TSHZ2: variants seen among roughly 807,000 people sequenced by gnomAD.
TSHZ2 encodes teashirt homolog 2.
In TSHZ2, 21 loss-of-function variants were observed where a neutral mutation model predicts 74.4. That is an observed-to-expected ratio of 0.28 (90% confidence interval 0.20 to 0.41). TSHZ2 has a LOEUF of 0.41. Ranked by LOEUF, TSHZ2 falls within the 10% of genes least tolerant of loss-of-function variation. The pLI is 1.00. For synonymous variants in TSHZ2, 540 were observed against 515.3 expected, an observed-to-expected ratio of 1.05 and a Z score of -0.65; for missense variants, 1,244 against 1,293.5, an observed-to-expected ratio of 0.96 and a Z score of 0.59.
intron 1 of TSHZ2, among the ~76,000 whole-genome samples, chr20:53,059,226 G>C (rs1053726330): frequency 6.6e-6 from 1 of 152,158 alleles, no homozygotes; most frequent in East Asian, 1.9e-4. Context: ...AAATTAGTGA[G>C]ACTTTTAAGG....
At chr20:53,163,834 A>G (rs2123469907) in intron 1 of TSHZ2, among the ~76,000 whole-genome samples, 1 of 152,326 alleles carries the variant, frequency 6.6e-6, no homozygotes, top group Admixed American at 6.5e-5. Flanking sequence ...AAACCACAGA[A>G]ACTGTGAGAT....
chr20:53,259,910 G>A (rs1345982270), intron 2 of TSHZ2, among the ~76,000 whole-genome samples: 2 of 152,202 alleles, frequency 1.3e-5, no homozygotes, highest in African/African-American at 4.8e-5. Flanking sequence ...TTATATGGCA[G>A]TTGGGAAGAA....
At chr20:53,095,110 A>G (rs1178005908) in intron 1 of TSHZ2, among the ~76,000 whole-genome samples, 1 of 152,238 alleles carries the variant, frequency 6.6e-6, no homozygotes, top group Non-Finnish European at 1.5e-5. Flanking sequence ...TCAAAAGTCT[A>G]GGACAAGCTG....
chr20:53,129,829 G>C (rs1987053163), intron 1 of TSHZ2, among the ~76,000 whole-genome samples: 1 of 143,142 alleles, frequency 7.0e-6, no homozygotes, highest in Non-Finnish European at 1.6e-5. Flanking sequence ...GCTGGCTCCT[G>C]GCATCCTTCT....
At chr20:53,378,522 C>T (rs2145635439) in intron 2 of TSHZ2, among the ~76,000 whole-genome samples, 1 of 152,048 alleles carries the variant, frequency 6.6e-6, no homozygotes. Context: ...ACAGGTTTTC[C>T]CCCTGTTTCA....
chr20:52,982,466 A>G (rs1981603198), intron 1 of TSHZ2, among the ~76,000 whole-genome samples: 1 of 152,200 alleles, frequency 6.6e-6, no homozygotes, highest in African/African-American at 2.4e-5. Flanking sequence ...TAGAATCTTC[A>G]GGCCAACTCC....
intron 2 of TSHZ2, among the ~76,000 whole-genome samples, chr20:53,476,344 G>T (rs867986629): frequency 6.8e-6 from 1 of 146,636 alleles, no homozygotes; most frequent in Non-Finnish European, 1.5e-5. Flanking sequence ...GGGATGCAAG[G>T]CTGGTTCAAT....
chr20:53,322,167 C>CGAGA, intron 2 of TSHZ2, among the ~76,000 whole-genome samples: 1 of 152,196 alleles, frequency 6.6e-6, no homozygotes, highest in Admixed American at 6.5e-5. Context: ...CAATTTTATT[C>CGAGA]GAGATCAGAA....
chr20:53,449,710 C>T (rs1372739495), intron 2 of TSHZ2, among the ~76,000 whole-genome samples: 2 of 139,008 alleles, frequency 1.4e-5, no homozygotes, highest in East Asian at 2.1e-4. Flanking sequence ...CAAGGCTTAG[C>T]TCAGCCTCCA....
chr20:53,316,409 G>T (rs1018061700), intron 2 of TSHZ2, among the ~76,000 whole-genome samples: 3 of 152,164 alleles, frequency 2.0e-5, no homozygotes, highest in Non-Finnish European at 4.4e-5. Flanking sequence ...TAGGGGGTTG[G>T]TGTTGGAGGG....
chr20:53,355,495 A>G (rs1980813090), intron 2 of TSHZ2, among the ~76,000 whole-genome samples: 1 of 152,240 alleles, frequency 6.6e-6, no homozygotes, highest in Admixed American at 6.5e-5. Flanking sequence ...AGCTAAGTGA[A>G]AGAATCCAGA....
chr20:53,104,273 G>T (rs1034600332), intron 1 of TSHZ2, among the ~76,000 whole-genome samples: 1 of 152,080 alleles, frequency 6.6e-6, no homozygotes, highest in Non-Finnish European at 1.5e-5. Flanking sequence ...GGGAGGGTTG[G>T]ACTCACCCAC....
At chr20:53,193,287 C>A (rs1380310813) in intron 1 of TSHZ2, among the ~76,000 whole-genome samples, 1 of 152,110 alleles carries the variant, frequency 6.6e-6, no homozygotes, top group Non-Finnish European at 1.5e-5. Context: ...TTCCAGTCTT[C>A]TGTTTCCTAC....
At chr20:53,214,833 C>CTAT (rs543115787) in intron 1 of TSHZ2, among the ~76,000 whole-genome samples, 101 of 152,246 alleles carry the variant, frequency 6.6e-4, no homozygotes, top group African/African-American at 2.4e-3. Flanking sequence ...TCAATAAACA[C>CTAT]TATTATTATT....
intron 1 of TSHZ2, among the ~76,000 whole-genome samples, chr20:53,142,787 C>A (rs1480399968): frequency 2.6e-5 from 4 of 151,008 alleles, no homozygotes; most frequent in African/African-American, 9.8e-5. Flanking sequence ...GAGAGGTCCT[C>A]TAAACCCACC....
At chr20:53,210,667 G>A (rs151023154) in intron 1 of TSHZ2, among the ~76,000 whole-genome samples, 4 of 151,994 alleles carry the variant, frequency 2.6e-5, no homozygotes, top group African/African-American at 9.7e-5. Context: ...AACACTTTGG[G>A]TGTAAGAACA....
At chr20:53,472,766 G>C in intron 2 of TSHZ2, among the ~76,000 whole-genome samples, 1 of 150,884 alleles carries the variant, frequency 6.6e-6, no homozygotes, top group Non-Finnish European at 1.5e-5. Context: ...TCACTAGGGA[G>C]TGGCAGACAG....
chr20:53,377,651 A>C (rs1228357862), intron 2 of TSHZ2, among the ~76,000 whole-genome samples: 1 of 152,152 alleles, frequency 6.6e-6, no homozygotes, highest in Non-Finnish European at 1.5e-5. Context: ...CTTTAGCCCA[A>C]GATTTCGAGA....
At chr20:53,106,730 C>T (rs982107824) in intron 1 of TSHZ2, among the ~76,000 whole-genome samples, 3 of 143,090 alleles carry the variant, frequency 2.1e-5, no homozygotes, top group African/African-American at 8.0e-5. Flanking sequence ...CACAGAGTCC[C>T]TCTGTGGCCC....
Sources: gnomAD v4.1 joint callset for allele counts (sites outside exome capture counted in the v4.1 genomes callset) on GRCh38, gnomAD v4.1.1 for gene constraint, MANE v1.5 for transcripts, NCBI Gene and HGNC (gene_info 2026-07-23, HGNC 2026-07-21) for gene names.